GABRG3: variants seen among roughly 807,000 people sequenced by gnomAD.
The protein encoded by GABRG3 is gamma-aminobutyric acid receptor subunit gamma-3.
Under a neutral mutation model 48.8 loss-of-function variants are expected in GABRG3, and 25 were observed. That is an observed-to-expected ratio of 0.51 (90% confidence interval 0.37 to 0.72). The LOEUF is 0.72. Among genes scored for constraint, GABRG3 ranks in the 30% least tolerant of loss-of-function variants. GABRG3 has a pLI of 0.00. For synonymous variants in GABRG3, 227 were observed against 217.6 expected (o/e 1.04, Z -0.38); for missense variants, 394 against 577.9 (o/e 0.68, Z 3.26).
intron 3 of GABRG3, among the ~76,000 whole-genome samples, chr15:27,325,305 T>C (rs1053570486): frequency 3.3e-5 from 5 of 152,100 alleles, no homozygotes; most frequent in African/African-American, 1.2e-4. Flanking sequence ...AGGCCATTCA[T>C]CCCCAAGGGC....
At chr15:27,066,666 C>T (rs1167070947) in intron 3 of GABRG3, among the ~76,000 whole-genome samples, 1 of 152,090 alleles carries the variant, frequency 6.6e-6, no homozygotes, top group Non-Finnish European at 1.5e-5. Flanking sequence ...GGGCTGACCA[C>T]AGAGAGAGGC....
At chr15:27,109,749 G>A (rs1327813332) in intron 3 of GABRG3, among the ~76,000 whole-genome samples, 1 of 152,188 alleles carries the variant, frequency 6.6e-6, no homozygotes, top group Non-Finnish European at 1.5e-5. Context: ...GGATGTGGTG[G>A]CACGTGTCTG....
At chr15:27,336,988 G>C (rs886232430) in intron 5 of GABRG3, among the ~76,000 whole-genome samples, 9 of 152,178 alleles carry the variant, frequency 5.9e-5, no homozygotes, top group Admixed American at 3.3e-4. Flanking sequence ...GAGTTGTTAA[G>C]TGTCTTCTGT....
At chr15:27,486,202 A>T (rs1890215941) in intron 6 of GABRG3, among the ~76,000 whole-genome samples, 1 of 152,138 alleles carries the variant, frequency 6.6e-6, no homozygotes, top group Non-Finnish European at 1.5e-5. Flanking sequence ...AGGCTCCCTG[A>T]CGTCAGAGGA....
intron 5 of GABRG3, among the ~76,000 whole-genome samples, chr15:27,351,078 T>A (rs1377400394): frequency 6.6e-6 from 1 of 150,500 alleles, no homozygotes; most frequent in Non-Finnish European, 1.5e-5. Flanking sequence ...ATGGTATGTG[T>A]GTGTATAGTG....
intron 2 of GABRG3, among the ~76,000 whole-genome samples, chr15:27,011,664 G>A (rs945202305): frequency 9.2e-5 from 14 of 151,972 alleles, no homozygotes; most frequent in South Asian, 4.2e-4. Context: ...TGGCTAACAC[G>A]GTGAAACCCT....
intron 3 of GABRG3, among the ~76,000 whole-genome samples, chr15:27,123,169 A>T (rs1289730439): frequency 2.0e-5 from 3 of 152,222 alleles, no homozygotes; most frequent in Non-Finnish European, 4.4e-5. Flanking sequence ...GAATATGCTG[A>T]TGGGTAAAAT....
intron 3 of GABRG3, among the ~76,000 whole-genome samples, chr15:27,125,897 T>A (rs1426570093): frequency 3.9e-5 from 6 of 152,250 alleles, no homozygotes; most frequent in Admixed American, 3.9e-4. Flanking sequence ...TCTTCAACTT[T>A]GCAGCCAAAT....
intron 3 of GABRG3, among the ~76,000 whole-genome samples, chr15:27,165,017 A>G (rs990223031): frequency 3.9e-5 from 6 of 152,222 alleles, no homozygotes; most frequent in Admixed American, 3.3e-4. Context: ...AACCATTCAT[A>G]TAAATGTTGT....
chr15:26,979,094 G>A (rs932761907), intron 2 of GABRG3, among the ~76,000 whole-genome samples: 7 of 152,132 alleles, frequency 4.6e-5, no homozygotes, highest in African/African-American at 7.2e-5. Flanking sequence ...GAGCAATTGC[G>A]AATAGTACTG....
At chr15:27,517,205 C>T (rs1383854838) in intron 6 of GABRG3, among the ~76,000 whole-genome samples, 1 of 151,984 alleles carries the variant, frequency 6.6e-6, no homozygotes, top group Non-Finnish European at 1.5e-5. Flanking sequence ...CCTCCTCCGT[C>T]ATTGCCAGTA....
At chr15:27,501,067 T>A (rs1365601048) in intron 6 of GABRG3, among the ~76,000 whole-genome samples, 2 of 149,542 alleles carry the variant, frequency 1.3e-5, no homozygotes, top group Non-Finnish European at 3.0e-5. Context: ...TTCTCCTGCC[T>A]CAGCCTCCCG....
At chr15:27,366,238 C>T (rs1205596081) in intron 5 of GABRG3, 1 of 152,146 alleles carries the variant, frequency 6.6e-6, no homozygotes, top group Non-Finnish European at 1.5e-5. Context: ...GCAGAAGGAG[C>T]CCCAAGATCA....
At chr15:27,307,947 A>T (rs1892730464) in intron 3 of GABRG3, among the ~76,000 whole-genome samples, 2 of 137,728 alleles carry the variant, frequency 1.5e-5, no homozygotes, top group Non-Finnish European at 3.1e-5. Context: ...ATAAACATAT[A>T]TGTAAAATAA....
At chr15:27,088,283 G>T (rs1897121183) in intron 3 of GABRG3, among the ~76,000 whole-genome samples, 2 of 151,428 alleles carry the variant, frequency 1.3e-5, no homozygotes, top group African/African-American at 4.8e-5. Flanking sequence ...GCGGGCGCGG[G>T]CCAGGAGTGG....
chr15:27,388,234 GAGGGAGGGAGGAAA>G (rs1896061637), intron 5 of GABRG3, among the ~76,000 whole-genome samples: 2 of 62,698 alleles, frequency 3.2e-5, no homozygotes, highest in African/African-American at 7.5e-5. Context: ...GGAAAGGGAG[GAGGGAGGGAGGAAA>G]GGAAGGAAGG....
At chr15:27,476,943 T>A (rs1481322948) in intron 5 of GABRG3, among the ~76,000 whole-genome samples, 1 of 152,154 alleles carries the variant, frequency 6.6e-6, no homozygotes, top group African/African-American at 2.4e-5. Flanking sequence ...TACTTACAGG[T>A]GAGTCACAAT....
Position 27,422,991 on chromosome 15 carries a change from C to G in GABRG3, c.575-57659C>G, listed in dbSNP as rs116063904. Reference sequence around the variant, plus strand: ...CCTGGGCCACACAGGAGTGCTTTCTCTCTTGCATGAGTTAAATGTCTCTGC... The same window carrying G: ...CCTGGGCCACACAGGAGTGCTTTCTGTCTTGCATGAGTTAAATGTCTCTGC... On this transcript the variant is annotated intron_variant, in intron 5 of 9. Coordinates refer to ENST00000615808, the MANE Select transcript of GABRG3 (RefSeq NM_033223.5). Among the ~76,000 whole-genome samples the G allele has an allele frequency of 3.7e-3, 560 of 152,168 alleles. 8 individuals carry two copies. The highest frequency in any genetic ancestry group is 0.013 in the African/African-American group (554 of 41,502).
At chr15:27,042,252 T>C (rs1222293112) in intron 3 of GABRG3, among the ~76,000 whole-genome samples, 1 of 152,140 alleles carries the variant, frequency 6.6e-6, no homozygotes, top group East Asian at 1.9e-4. Context: ...CCTTCGTTCC[T>C]CTAAAGACTT....
Sources: gnomAD v4.1 joint callset for allele counts (sites outside exome capture counted in the v4.1 genomes callset) on GRCh38, gnomAD v4.1.1 for gene constraint, MANE v1.5 for transcripts, NCBI Gene and HGNC (gene_info 2026-07-23, HGNC 2026-07-21) for gene names.